RALYL: variants seen among roughly 807,000 people sequenced by gnomAD.
RALYL encodes RNA-binding Raly-like protein.
In RALYL, 29 loss-of-function variants were observed where a neutral mutation model predicts 35.1. The observed-to-expected ratio is 0.83, with a 90% CI of 0.61 to 1.13. The LOEUF is 1.13. Among genes scored for constraint, RALYL ranks in the 50% most tolerant of loss-of-function variants. The pLI, the probability that RALYL is intolerant of heterozygous loss-of-function variation, is 0.00. For missense variants in RALYL, 359 were observed against 360.4 expected (o/e 1.00, Z 0.03); for synonymous variants, 120 against 127.6 (o/e 0.94, Z 0.40).
At chr8:84,894,349 A>C (rs1844379977) in intron 8 of RALYL, among the ~76,000 whole-genome samples, 1 of 152,206 alleles carries the variant, frequency 6.6e-6, no homozygotes, top group Admixed American at 6.5e-5. Flanking sequence ...CAACTGAATT[A>C]GTTGGAATTG....
intron 1 of RALYL, among the ~76,000 whole-genome samples, chr8:84,413,032 TTCCCTAATTAAATGCTTACTATCA>T (rs1234226982): frequency 2.0e-5 from 3 of 151,540 alleles, no homozygotes; most frequent in Non-Finnish European, 3.0e-5. Flanking sequence ...AATAAAAGTT[TTCCCTAATTAAATGCTTACTATCA>T]TCCCTTTCTC....
At chr8:84,481,219 C>G (rs537458968) in intron 1 of RALYL, among the ~76,000 whole-genome samples, 2 of 152,238 alleles carry the variant, frequency 1.3e-5, no homozygotes, top group African/African-American at 4.8e-5. Flanking sequence ...TCCATTTTCA[C>G]TAGATTACAT....
intron 3 of RALYL, among the ~76,000 whole-genome samples, chr8:84,802,406 A>G (rs543256822): frequency 9.5e-4 from 145 of 152,292 alleles, no homozygotes; most frequent in Middle Eastern, 6.8e-3. Flanking sequence ...CATTTTGAAA[A>G]CTTTGAATTT....
intron 2 of RALYL, among the ~76,000 whole-genome samples, chr8:84,699,473 C>G (rs1839812981): frequency 6.6e-6 from 1 of 152,086 alleles, no homozygotes; most frequent in Non-Finnish European, 1.5e-5. Flanking sequence ...CTGGCAGATT[C>G]AGTATCTTGT....
intron 1 of RALYL, among the ~76,000 whole-genome samples, chr8:84,453,813 C>T (rs2049803481): frequency 1.3e-5 from 2 of 151,954 alleles, no homozygotes; most frequent in African/African-American, 4.8e-5. Context: ...ATCTTGGATG[C>T]TCTGAGAGCA....
intron 1 of RALYL, among the ~76,000 whole-genome samples, chr8:84,432,472 A>G (rs1398358852): frequency 6.6e-6 from 1 of 152,100 alleles, no homozygotes; most frequent in Non-Finnish European, 1.5e-5. Flanking sequence ...GGTCAATAAT[A>G]CTGTGTTGTA....
chr8:84,233,478 C>T (rs570181573), intron 1 of RALYL, among the ~76,000 whole-genome samples: 3 of 152,280 alleles, frequency 2.0e-5, no homozygotes, highest in East Asian at 1.9e-4. Flanking sequence ...CTCATTCCAG[C>T]TTTGGTCTGC....
intron 1 of RALYL, among the ~76,000 whole-genome samples, chr8:84,197,002 A>T (rs936088633): frequency 1.3e-5 from 2 of 152,220 alleles, no homozygotes; most frequent in Non-Finnish European, 2.9e-5. Flanking sequence ...AATTGGTAAC[A>T]TCTTCATAGG....
chr8:84,360,962 G>GA (rs61694143), intron 1 of RALYL, among the ~76,000 whole-genome samples: 2,605 of 98,254 alleles, frequency 0.027, 55 homozygotes, highest in African/African-American at 0.063. Context: ...ATGCAGTAAA[G>GA]AAAAAAAAAA....
At chr8:84,640,376 G>A (rs902757384) in intron 2 of RALYL, among the ~76,000 whole-genome samples, 2 of 151,982 alleles carry the variant, frequency 1.3e-5, no homozygotes, top group East Asian at 3.9e-4. Flanking sequence ...CAATGTGACT[G>A]CTTCTTATGG....
At chr8:84,805,258 C>T (rs1030338119) in intron 4 of RALYL, among the ~76,000 whole-genome samples, 1 of 152,198 alleles carries the variant, frequency 6.6e-6, no homozygotes, top group Admixed American at 6.5e-5. Flanking sequence ...TCTCATTTCA[C>T]TTTAATTTCT....
Position 84,881,285 on chromosome 8 carries a change from G to C in RALYL, c.686-6319G>C, listed in dbSNP as rs192777120. Among the ~76,000 whole-genome samples the C allele has an allele frequency of 3.3e-5, 5 of 151,928 alleles. No homozygotes were observed. The East Asian group carries it at 9.6e-4, about 29-fold the overall frequency. On this transcript the variant is annotated intron_variant, in intron 7 of 8. Transcript: ENST00000521268. ...TTGAGTTAAATTAATACTATATACA[G>C]GTGTTGTAATATAAAATTTTTCTTA...
intron 1 of RALYL, chr8:84,184,762 A>C: frequency 2.2e-6 from 1 of 445,554 alleles, no homozygotes; most frequent in Non-Finnish European, 3.9e-6. Flanking sequence ...GGGCCCTGTA[A>C]GTTCTCCGAG....
intron 2 of RALYL, among the ~76,000 whole-genome samples, chr8:84,704,358 G>C (rs1019658490): frequency 2.6e-5 from 4 of 152,010 alleles, no homozygotes; most frequent in African/African-American, 9.7e-5. Flanking sequence ...CTGGGAGGCA[G>C]AGTTTGCAGT....
chr8:84,455,327 CA>C (rs1464558824), intron 1 of RALYL, among the ~76,000 whole-genome samples: 1 of 151,802 alleles, frequency 6.6e-6, no homozygotes, highest in Non-Finnish European at 1.5e-5. Context: ...CTGTGGAATA[CA>C]AAACCAGAAA....
chr8:84,631,291 G>A lies in RALYL; in HGVS notation c.256+101714G>A, dbSNP rs147663131. Among the ~76,000 whole-genome samples, 246 of 152,008 alleles carry A rather than the reference G, an allele frequency of 1.6e-3. 2 individuals carry two copies. The highest frequency in any genetic ancestry group is 5.3e-3 in the African/African-American group (219 of 41,508). ...GCTTAGTTCATGTTGTTCTCTTAAGGTGACTCCCGCCCAAAAATCATTCAG... is the reference window on the plus strand; with the variant it reads ...GCTTAGTTCATGTTGTTCTCTTAAGATGACTCCCGCCCAAAAATCATTCAG... On this transcript the variant is annotated intron_variant, in intron 2 of 8. Coordinates refer to ENST00000521268, the MANE Select transcript of RALYL (RefSeq NM_173848.7).
At chr8:84,703,167 C>A (rs1309961033) in intron 2 of RALYL, among the ~76,000 whole-genome samples, 2 of 152,146 alleles carry the variant, frequency 1.3e-5, no homozygotes, top group Non-Finnish European at 2.9e-5. Flanking sequence ...TACCCTACTG[C>A]AGCATGGTGC....
intron 7 of RALYL, among the ~76,000 whole-genome samples, chr8:84,874,184 C>A (rs987769965): frequency 9.9e-5 from 15 of 152,068 alleles, no homozygotes; most frequent in African/African-American, 3.6e-4. Flanking sequence ...CGAATCCCAG[C>A]CCTTCCTCTG....
At chr8:84,753,523 G>A (rs545882826) in intron 2 of RALYL, among the ~76,000 whole-genome samples, 104 of 152,270 alleles carry the variant, frequency 6.8e-4, no homozygotes, top group South Asian at 4.8e-3. Context: ...ATCTCATGTC[G>A]AAATGTAATT....
Sources: gnomAD v4.1 joint callset for allele counts (sites outside exome capture counted in the v4.1 genomes callset) on GRCh38, gnomAD v4.1.1 for gene constraint, MANE v1.5 for transcripts, NCBI Gene and HGNC (gene_info 2026-07-23, HGNC 2026-07-21) for gene names.